The following ZNF362 variants were observed in gnomAD, a reference collection of about 807,000 sequenced individuals.
The protein encoded by ZNF362 is rotund homolog.
In ZNF362, 11 loss-of-function variants were observed where a neutral mutation model predicts 42.9. That is an observed-to-expected ratio of 0.26 (90% CI 0.16 to 0.42). The LOEUF is 0.42. ZNF362 is among the 20% of genes least tolerant of loss of function. The probability of loss-of-function intolerance (pLI) is 1.00; values close to 1 mark genes in which losing one functional copy is unlikely to be tolerated. For missense variants in ZNF362, 362 were observed against 576.2 expected (o/e 0.63, Z 3.81); for synonymous variants, 255 against 257.3 (o/e 0.99, Z 0.09).
At chr1:33,234,611 C>G in the ZNF362 span, among the ~76,000 whole-genome samples, 1 of 152,180 alleles carries the variant, frequency 6.6e-6, no homozygotes, top group Non-Finnish European at 1.5e-5. Context: ...CAGGCCCTCC[C>G]TGCTGCCTTC....
upstream of ZNF362, among the ~76,000 whole-genome samples, chr1:33,252,965 C>T (rs1433705422): frequency 6.6e-6 from 1 of 151,718 alleles, no homozygotes; most frequent in Non-Finnish European, 1.5e-5. Flanking sequence ...TCCGATGCAT[C>T]GTGATGAGTG....
intron 4 of ZNF362, among the ~76,000 whole-genome samples, chr1:33,277,299 A>G (rs1055934474): frequency 8.5e-5 from 13 of 152,262 alleles, no homozygotes; most frequent in African/African-American, 2.4e-4. Context: ...AGGTAAAGCC[A>G]CGTGCAACCA....
chr1:33,292,979 C>T (rs1164733444), intron 6 of ZNF362, among the ~76,000 whole-genome samples: 1 of 152,210 alleles, frequency 6.6e-6, no homozygotes, highest in African/African-American at 2.4e-5. Flanking sequence ...CTTCTCTTGG[C>T]ACAGCTGTTG....
the ZNF362 span, among the ~76,000 whole-genome samples, chr1:33,183,573 AG>A: frequency 5.9e-5 from 9 of 151,316 alleles, no homozygotes; most frequent in Non-Finnish European, 1.3e-4. Context: ...TCATGGAGTG[AG>A]TCTTGTTTGG....
the ZNF362 span, among the ~76,000 whole-genome samples, chr1:33,184,054 G>A: frequency 1.6e-5 from 2 of 125,966 alleles, no homozygotes; most frequent in African/African-American, 3.0e-5. Flanking sequence ...AAAAAAAAAG[G>A]CTTGATGATG....
chr1:33,151,975 C>T, the ZNF362 span, among the ~76,000 whole-genome samples: 2 of 152,254 alleles, frequency 1.3e-5, no homozygotes, highest in African/African-American at 2.4e-5. Flanking sequence ...TGGCTGTAAG[C>T]GTTTTCCTCT....
At chr1:33,131,927 T>C in the ZNF362 span, among the ~76,000 whole-genome samples, 1 of 152,096 alleles carries the variant, frequency 6.6e-6, no homozygotes, top group Non-Finnish European at 1.5e-5. Context: ...GAAATGAAAA[T>C]TAAATGTTAG....
At chr1:33,196,590 C>G in the ZNF362 span, among the ~76,000 whole-genome samples, 2 of 152,122 alleles carry the variant, frequency 1.3e-5, no homozygotes, top group Non-Finnish European at 2.9e-5. Context: ...CCTGAAGGAC[C>G]TGCCAGAGGT....
At chr1:33,288,112 T>G (rs1331682418) in intron 6 of ZNF362, among the ~76,000 whole-genome samples, 1 of 152,248 alleles carries the variant, frequency 6.6e-6, no homozygotes, top group Non-Finnish European at 1.5e-5. Flanking sequence ...AAATATTTTA[T>G]GAACACCCAT....
At chr1:33,146,851 GA>G in the ZNF362 span, 1 of 384,346 alleles carries the variant, frequency 2.6e-6, no homozygotes, top group Non-Finnish European at 4.8e-6. Flanking sequence ...GGCTGGGCTG[GA>G]GGGAGACACT....
the ZNF362 span, among the ~76,000 whole-genome samples, chr1:33,205,060 A>G: frequency 6.6e-6 from 1 of 152,172 alleles, no homozygotes; most frequent in East Asian, 1.9e-4. Flanking sequence ...AGAAGACTCA[A>G]TACTGCTAAG....
rs1553180096 is a variant in ZNF362 at position 33,294,530 on chromosome 1, T to TAGGGAAGGAGGCTGGGTGGGC, written c.909-398_909-378dup. Among the ~76,000 whole-genome samples the TAGGGAAGGAGGCTGGGTGGGC allele has an allele frequency of 6.6e-6, 1 of 152,150 alleles. No individual in the cohort carries two copies. The highest frequency in any genetic ancestry group is 6.5e-5 in the Admixed American group (1 of 15,284). ...TTAGAGGGAGATGTCTCCTTCTTCTTAGGGAAGGAGGCTGGGTGGGCAGGG... is the reference window on the plus strand; with the variant it reads ...TTAGAGGGAGATGTCTCCTTCTTCTTAGGGAAGGAGGCTGGGTGGGCAGGGAAGGAGGCTGGGTGGGCAGGG... On this transcript the variant is annotated intron_variant, in intron 6 of 8. Coordinates refer to ENST00000539719, the MANE Select transcript of ZNF362 (RefSeq NM_152493.3). This position sits in a 1 kb window ranked among gnomAD's most constrained non-coding sequence, Gnocchi z 4.2.
chr1:33,263,970 C>T (rs1223441156), intron 1 of ZNF362, among the ~76,000 whole-genome samples: 1 of 152,156 alleles, frequency 6.6e-6, no homozygotes, highest in African/African-American at 2.4e-5. Flanking sequence ...TTTCTCTGCC[C>T]AGCCCAGCTC....
chr1:33,191,490 TTTTTTG>T, the ZNF362 span, among the ~76,000 whole-genome samples: 133,980 of 149,578 alleles, frequency 0.9, 61,001 homozygotes, highest in South Asian at 0.98. Flanking sequence ...AAACATCCTT[TTTTTTG>T]TTTTTGTTTT....
the ZNF362 span, among the ~76,000 whole-genome samples, chr1:33,134,173 A>C: frequency 6.6e-6 from 1 of 152,208 alleles, no homozygotes; most frequent in Non-Finnish European, 1.5e-5. Context: ...GTAAGACACC[A>C]CCTGGCACGT....
chr1:33,256,154 C>T (rs948048615), upstream of ZNF362, among the ~76,000 whole-genome samples: 20 of 149,160 alleles, frequency 1.3e-4, no homozygotes, highest in Non-Finnish European at 1.0e-4. Flanking sequence ...GGGGGCGCAG[C>T]GCAACTTTGC....
chr1:33,203,603 G>T, the ZNF362 span, among the ~76,000 whole-genome samples: 1 of 152,028 alleles, frequency 6.6e-6, no homozygotes, highest in Non-Finnish European at 1.5e-5. Context: ...GTGTACAAGG[G>T]TTCCCTTTTC....
chr1:33,150,207 T>C, the ZNF362 span, among the ~76,000 whole-genome samples: 40 of 152,376 alleles, frequency 2.6e-4, no homozygotes, highest in African/African-American at 9.4e-4. Context: ...GAATTGCCTC[T>C]GTTCCTTGGG....
intron 6 of ZNF362, among the ~76,000 whole-genome samples, chr1:33,288,733 G>T (rs1263185872): frequency 2.3e-4 from 1 of 4,438 alleles, no homozygotes; most frequent in African/African-American, 4.3e-4. Flanking sequence ...GATAGAGCGA[G>T]ACTCTGTCTC....
Sources: gnomAD v4.1 joint callset for allele counts (sites outside exome capture counted in the v4.1 genomes callset) on GRCh38, gnomAD v4.1.1 for gene constraint, Gnocchi (gnomAD v3.1) non-coding constraint, MANE v1.5 for transcripts, NCBI Gene and HGNC (gene_info 2026-07-23, HGNC 2026-07-21) for gene names.